SNX4: variants seen among roughly 807,000 people sequenced by gnomAD.
SNX4 encodes the protein sorting nexin 4, also known as sorting nexin-4.
Under a neutral mutation model 70.8 loss-of-function variants are expected in SNX4, and 49 were observed. The observed-to-expected ratio is 0.69, with a 90% CI of 0.55 to 0.88. SNX4 has a LOEUF of 0.88. Among genes scored for constraint, SNX4 ranks in the 40% least tolerant of loss-of-function variants. The probability of loss-of-function intolerance (pLI) is 0.00; values close to 1 mark genes in which losing one functional copy is unlikely to be tolerated. For synonymous variants in SNX4, 206 were observed against 183.8 expected (o/e 1.12, Z -0.98); for missense variants, 528 against 544.8 (o/e 0.97, Z 0.31).
chr3:125,517,766 A>G (rs749479365), intron 1 of SNX4, among the ~76,000 whole-genome samples: 6 of 152,108 alleles, frequency 3.9e-5, no homozygotes, highest in South Asian at 2.1e-4. Flanking sequence ...GCCTGAGGTC[A>G]GGAGTTCGAG....
intron 1 of SNX4, among the ~76,000 whole-genome samples, chr3:125,505,091 T>G (rs1935019425): frequency 6.6e-6 from 1 of 152,176 alleles, no homozygotes; most frequent in South Asian, 2.1e-4. Flanking sequence ...TGCCTCAGTC[T>G]TCCAAGTAGC....
intron 2 of SNX4, 47 bp downstream of exon 2, chr3:125,504,576 G>C: frequency 6.3e-7 from 1 of 1,575,344 alleles, no homozygotes; most frequent in Non-Finnish European, 8.6e-7. Flanking sequence ...ATAGCTATCA[G>C]AAAAAGCTTT....
chr3:125,456,790 A>G (rs186420220), intron 11 of SNX4, among the ~76,000 whole-genome samples: 37 of 152,258 alleles, frequency 2.4e-4, no homozygotes, highest in Admixed American at 2.4e-3. Context: ...CTTCCCGAGT[A>G]GCTGGGACTA....
intron 9 of SNX4, among the ~76,000 whole-genome samples, chr3:125,468,423 A>T (rs1934085105): frequency 6.6e-6 from 1 of 151,634 alleles, no homozygotes; most frequent in Non-Finnish European, 1.5e-5. Context: ...GTTGTTGGCC[A>T]GGTGTGCTGG....
At position 125,504,634 on chromosome 3, in the gene SNX4, G is replaced by T; in HGVS notation, c.252C>A (p.Leu84=). The change falls in exon 2 of 14, where the codon CTC becomes CTA. Residue 84 remains leucine, a synonymous_variant. Transcript: ENST00000251775. ...MNMQETYTAY[L]IETRSVEHTD... is the part of the protein sequence containing the mutation. ...TTTCTGTTACCCACCTTGTTTCAATGAGGTAAGCAGTATATGTTTCTTGCA... is the reference window on the plus strand; with the variant it reads ...TTTCTGTTACCCACCTTGTTTCAATTAGGTAAGCAGTATATGTTTCTTGCA... The T allele has an allele frequency of 3.1e-6, 5 of 1,610,322 alleles. No homozygotes were observed. The South Asian group carries it at 3.3e-5, about 11-fold the overall frequency.
At chr3:125,500,755 G>A (rs569906076) in intron 2 of SNX4, among the ~76,000 whole-genome samples, 4 of 136,084 alleles carry the variant, frequency 2.9e-5, no homozygotes, top group South Asian at 2.3e-4. Context: ...AGCTGAGATC[G>A]TGCCACTGCA....
chr3:125,481,085 T>C (rs1309559168), intron 6 of SNX4, among the ~76,000 whole-genome samples: 2 of 152,168 alleles, frequency 1.3e-5, no homozygotes, highest in East Asian at 3.9e-4. Context: ...ATAGCCAAGC[T>C]TTCACAAGGC....
chr3:125,492,842 C>T (rs1934693820), intron 5 of SNX4, among the ~76,000 whole-genome samples: 1 of 152,140 alleles, frequency 6.6e-6, no homozygotes, highest in Non-Finnish European at 1.5e-5. Context: ...TGTGCAATAA[C>T]AAGATTAACA....
At chr3:125,493,307 T>C (rs1320283319) in intron 5 of SNX4, among the ~76,000 whole-genome samples, 1 of 151,888 alleles carries the variant, frequency 6.6e-6, no homozygotes, top group Non-Finnish European at 1.5e-5. Context: ...TAACCAGTAA[T>C]GATGAAAAAA....
chr3:125,506,799 A>T, intron 1 of SNX4, among the ~76,000 whole-genome samples: 1 of 140,978 alleles, frequency 7.1e-6, no homozygotes, highest in South Asian at 2.4e-4. Context: ...GAGAACTTAA[A>T]GAAAGATGTG....
At chr3:125,501,811 T>G (rs1340878589) in intron 2 of SNX4, among the ~76,000 whole-genome samples, 2 of 152,214 alleles carry the variant, frequency 1.3e-5, no homozygotes, top group African/African-American at 4.8e-5. Flanking sequence ...GTTGTGAAAG[T>G]TGACTCAATA....
intron 12 of SNX4, 46 bp from the exon 13 acceptor site, chr3:125,451,465 C>A: frequency 7.2e-7 from 1 of 1,391,234 alleles, no homozygotes; most frequent in Non-Finnish European, 1.0e-6. Context: ...GTTAAATAAA[C>A]TGTGTACTAA....
At chr3:125,478,260 A>C (rs915744188) in intron 7 of SNX4, among the ~76,000 whole-genome samples, 57 of 151,706 alleles carry the variant, frequency 3.8e-4, no homozygotes, top group African/African-American at 1.4e-3. Flanking sequence ...TTGTATTTTT[A>C]GTAAAGACCA....
At chr3:125,474,823 TGTTTA>T (rs1248677402) in intron 8 of SNX4, among the ~76,000 whole-genome samples, 9 of 136,464 alleles carry the variant, frequency 6.6e-5, no homozygotes, top group Non-Finnish European at 1.1e-4. Context: ...CCTTTGAGAA[TGTTTA>T]GTTTATGTTA....
intron 11 of SNX4, 38 bp downstream of exon 11, chr3:125,457,228 G>A (rs760364410): frequency 2.2e-6 from 3 of 1,391,768 alleles, no homozygotes; most frequent in East Asian, 2.3e-5. Context: ...ATTCCGTGTT[G>A]CTACAGTATC....
Position 125,451,415 on chromosome 3 carries a change from A to AT in SNX4, c.1194dup (p.Phe399IlefsTer8). ...ATATCAGCCCATGCGTTTTTCACAAATTCTCTGAAATAAAAGGTATAGCCA... is the reference window on the plus strand; with the variant it reads ...ATATCAGCCCATGCGTTTTTCACAAATTTCTCTGAAATAAAAGGTATAGCCA... On this transcript the variant is annotated frameshift_variant, in exon 13 of 14. Transcript: ENST00000251775. LOFTEE classifies it high-confidence loss of function. The AT allele has an allele frequency of 6.2e-7, 1 of 1,604,934 alleles. No homozygotes were observed. The highest frequency in any genetic ancestry group is 8.5e-7 in the Non-Finnish European group (1 of 1,172,190).
chr3:125,496,844 C>T lies in SNX4; in HGVS notation c.597+497G>A, dbSNP rs913991779. Among the ~76,000 whole-genome samples the T allele has an allele frequency of 8.2e-4, 125 of 152,050 alleles. 3 individuals carry two copies. The highest frequency in any genetic ancestry group is 7.9e-3 in the Admixed American group (121 of 15,258). ...ACTATTTAAAAATGACTCCTTTGTC[C>T]CCATTTCAAACTGACCACCATGTCT... On this transcript the variant is annotated intron_variant, in intron 5 of 13. Coordinates refer to ENST00000251775, the MANE Select transcript of SNX4 (RefSeq NM_003794.4).
chr3:125,497,934 A>C lies in SNX4; in HGVS notation c.449T>G (p.Phe150Cys). 6.2e-7 allele frequency: 1 copy of C among 1,614,196 alleles called. No individual in the cohort carries two copies. Among genetic ancestry groups the C allele is most frequent in the Non-Finnish European group, 8.5e-7 (1 of 1,180,042 alleles). ...KLSADNMDPD[F>C]VERRRIGLEN... ...TAAACCAATCCGTCGCCTCTCCACA[A>C]AATCTGGATCCATGTTGTCAGCAGA... The change falls in exon 4 of 14, where the codon TTT becomes TGT. Residue 150 changes from phenylalanine to cysteine, a missense_variant. Physicochemically the swap from Phe to Cys is radical, Grantham distance 205. Around this residue, in one of 3 missense-constraint regions of SNX4, gnomAD observed 341 missense variants for 312.2 expected, o/e 1.09. Coordinates refer to ENST00000251775, the MANE Select transcript of SNX4 (RefSeq NM_003794.4).
At chr3:125,481,833 T>C (rs1006431025) in intron 6 of SNX4, among the ~76,000 whole-genome samples, 4 of 152,206 alleles carry the variant, frequency 2.6e-5, no homozygotes, top group Admixed American at 6.5e-5. Context: ...CTGAATTTTA[T>C]AGCTCATCCA....
Sources: gnomAD v4.1 joint callset for allele counts (sites outside exome capture counted in the v4.1 genomes callset) on GRCh38, gnomAD v4.1.1 for gene constraint, gnomAD v4.1.1 regional missense constraint, MANE v1.5 for transcripts, NCBI Gene and HGNC (gene_info 2026-07-23, HGNC 2026-07-21) for gene names.